The following BAIAP2L1 variants were observed in gnomAD, a reference collection of about 807,000 sequenced individuals.
BAIAP2L1 encodes the protein BAR/IMD domain containing adaptor protein 2 like 1.
Under a neutral mutation model 66.3 loss-of-function variants are expected in BAIAP2L1, and 35 were observed. The observed-to-expected ratio is 0.53, with a 90% CI of 0.40 to 0.70. The LOEUF (loss-of-function observed/expected upper bound fraction) is 0.70. Among genes scored for constraint, BAIAP2L1 ranks in the 30% least tolerant of loss-of-function variants. The pLI is 0.00. For missense variants in BAIAP2L1, 622 were observed against 656.9 expected (o/e 0.95, Z 0.58); for synonymous variants, 269 against 248.7 (o/e 1.08, Z -0.77).
intron 1 of BAIAP2L1, chr7:98,386,565 T>C (rs1440022210): frequency 2.5e-6 from 4 of 1,597,012 alleles, no homozygotes; most frequent in East Asian, 2.2e-5. Flanking sequence ...CGTAAGGCGC[T>C]TGTTCTTGCC....
intron 1 of BAIAP2L1, among the ~76,000 whole-genome samples, chr7:98,378,760 C>T (rs895847328): frequency 3.3e-5 from 5 of 152,040 alleles, no homozygotes; most frequent in African/African-American, 1.2e-4. Context: ...CTCAGCCTCT[C>T]CAGCAGCTGG....
At chr7:98,323,401 A>G (rs924099564) in intron 3 of BAIAP2L1, 7 of 152,234 alleles carry the variant, frequency 4.6e-5, no homozygotes, top group Non-Finnish European at 1.0e-4. Context: ...TCTACTTAAA[A>G]TACATAAATA....
chr7:98,345,951 A>G (rs1314666582), intron 3 of BAIAP2L1, among the ~76,000 whole-genome samples: 1 of 152,046 alleles, frequency 6.6e-6, no homozygotes, highest in Non-Finnish European at 1.5e-5. Context: ...AGTGTTAAAG[A>G]TGTACAGCAA....
At chr7:98,385,069 A>T (rs778331791) in intron 1 of BAIAP2L1, among the ~76,000 whole-genome samples, 1 of 152,064 alleles carries the variant, frequency 6.6e-6, no homozygotes, top group African/African-American at 2.4e-5. Context: ...GCACTCTGGG[A>T]GGCTGAAGTG....
rs200748881 is a variant in BAIAP2L1, at chr7:98,385,750, T to TC, written c.51+15051dup. The stretch of plus-strand genomic sequence containing the variant: ...TTTCTTTTTTTTGTTGTTTTTTTTT[T>TC]CACAAATAGCACTCTTTATTTGCCA... On this transcript the variant is annotated intron_variant, in intron 1 of 13. Coordinates refer to ENST00000005260, the MANE Select transcript of BAIAP2L1 (RefSeq NM_018842.5). 5,423 of 1,398,162 alleles carry TC rather than the reference T, an allele frequency of 3.9e-3. 143 individuals are homozygous for TC. The African/African-American group carries it at 0.065, about 17-fold the overall frequency. The allele number at this position is 1,398,162 out of a possible 1,614,324, so 86.6% of individuals were successfully genotyped here.
chr7:98,327,858 G>A (rs1304265561), intron 3 of BAIAP2L1, among the ~76,000 whole-genome samples: 3 of 152,142 alleles, frequency 2.0e-5, no homozygotes, highest in Non-Finnish European at 4.4e-5. Flanking sequence ...GGTTGAGGGA[G>A]GTAAGGGGGA....
intron 2 of BAIAP2L1, among the ~76,000 whole-genome samples, chr7:98,358,327 ATTGTT>A (rs1260683144): frequency 2.6e-5 from 4 of 151,448 alleles, no homozygotes; most frequent in African/African-American, 9.7e-5. Flanking sequence ...TCTACTACTT[ATTGTT>A]TTAAGGAAAG....
chr7:98,339,744 T>G (rs1296864377), intron 3 of BAIAP2L1, among the ~76,000 whole-genome samples: 2 of 152,178 alleles, frequency 1.3e-5, no homozygotes, highest in East Asian at 3.9e-4. Context: ...ACTCCCCAAT[T>G]TGGGTGTCAT....
At chr7:98,366,351 AG>A (rs1394152374) in intron 1 of BAIAP2L1, among the ~76,000 whole-genome samples, 3 of 152,058 alleles carry the variant, frequency 2.0e-5, no homozygotes, top group African/African-American at 7.2e-5. Flanking sequence ...GGGGTAGGGA[AG>A]GGAAGCCAGG....
chr7:98,293,177 C>G lies in BAIAP2L1; in HGVS notation c.*344G>C, dbSNP rs372328899. The G allele has an allele frequency of 1.1e-5, 3 of 285,330 alleles. No individual in the cohort carries two copies. Among genetic ancestry groups the G allele is most frequent in the East Asian group, 7.5e-5 (1 of 13,420 alleles). 17.7% of individuals were successfully genotyped at this position (285,330 alleles called of 1,614,324 possible). ...TTCATATCAGGTGCAGAAAGCCAGT[C>G]CTGAAAGCATAGACTATCCCTTATT... On this transcript the variant is annotated 3_prime_UTR_variant, in exon 14 of 14. Transcript: ENST00000005260.
chr7:98,312,372 G>A, intron 7 of BAIAP2L1, 108 bp from the exon 8 acceptor site: 2 of 1,231,300 alleles, frequency 1.6e-6, no homozygotes, highest in Non-Finnish European at 1.1e-6. Flanking sequence ...TTAGCACCAG[G>A]AGTGTGGGGG....
chr7:98,328,563 G>A (rs1343724302), intron 3 of BAIAP2L1, among the ~76,000 whole-genome samples: 1 of 151,490 alleles, frequency 6.6e-6, no homozygotes, highest in African/African-American at 2.4e-5. Context: ...GAGCAGATGG[G>A]TTCAATAATG....
intron 7 of BAIAP2L1, among the ~76,000 whole-genome samples, chr7:98,314,171 C>T (rs1220608747): frequency 1.3e-5 from 2 of 151,034 alleles, no homozygotes; most frequent in Admixed American, 6.6e-5. Flanking sequence ...TTAGTAGAGA[C>T]AGGGTTTCAC....
intron 3 of BAIAP2L1, among the ~76,000 whole-genome samples, chr7:98,354,291 T>TG (rs1353872771): frequency 1.9e-4 from 29 of 152,106 alleles, no homozygotes. Flanking sequence ...CCCTTGGTGA[T>TG]GCCCCCACTC....
chr7:98,386,803 G>C (rs1249448065), intron 1 of BAIAP2L1, among the ~76,000 whole-genome samples: 3 of 140,114 alleles, frequency 2.1e-5, no homozygotes, highest in Non-Finnish European at 4.6e-5. Context: ...GGTTTCAAGT[G>C]ATTCTCCTGC....
chr7:98,312,009 C>T, intron 8 of BAIAP2L1, 88 bp downstream of exon 8: 1 of 1,354,668 alleles, frequency 7.4e-7, no homozygotes, highest in Non-Finnish European at 1.0e-6. Flanking sequence ...AAAGGGGGAC[C>T]TGTGATTCCC....
At chr7:98,319,948 G>A (rs968811324) in intron 5 of BAIAP2L1, 110 bp downstream of exon 5, 39 of 869,990 alleles carry the variant, frequency 4.5e-5, no homozygotes, top group South Asian at 3.2e-4. Flanking sequence ...TCATCAACAC[G>A]GAGCTTCTCT....
At chr7:98,304,081 A>C (rs1450339029) in intron 12 of BAIAP2L1, 115 bp downstream of exon 12, 1 of 1,129,960 alleles carries the variant, frequency 8.8e-7, no homozygotes, top group Non-Finnish European at 1.2e-6. Flanking sequence ...CTCCCCGGGG[A>C]CACCACTCTC....
intron 1 of BAIAP2L1, among the ~76,000 whole-genome samples, chr7:98,371,815 G>A (rs900149982): frequency 4.7e-5 from 7 of 148,644 alleles, no homozygotes; most frequent in Admixed American, 4.7e-4. Flanking sequence ...TTTTTTCTGA[G>A]ACGGAGTCTC....
Sources: allele counts gnomAD v4.1 joint callset (sites outside exome capture counted in the v4.1 genomes callset), GRCh38; gene constraint gnomAD v4.1.1; transcripts MANE v1.5; gene names NCBI Gene and HGNC (gene_info 2026-07-23, HGNC 2026-07-21).